Variants in MEOX2 observed in about 807,000 individuals in gnomAD.
The protein encoded by MEOX2 is mesenchyme homeobox 2, also known as homeobox protein MOX-2.
MEOX2 carries 11 observed loss-of-function variants against 27.0 expected under a neutral mutation model. That is an observed-to-expected ratio of 0.41 (90% CI 0.26 to 0.68). MEOX2 has a LOEUF of 0.68. MEOX2 is among the 30% of genes least tolerant of loss of function. The pLI, the probability that MEOX2 is intolerant of heterozygous loss-of-function variation, is 0.33. For synonymous variants in MEOX2, 189 were observed against 155.4 expected (o/e 1.22, Z -1.61); for missense variants, 436 against 385.4 (o/e 1.13, Z -1.10).
chr7:15,621,893 T>G (rs1366902477), intron 2 of MEOX2, among the ~76,000 whole-genome samples: 1 of 152,096 alleles, frequency 6.6e-6, no homozygotes, highest in African/African-American at 2.4e-5. Context: ...CCGAGGCTGG[T>G]GGATCACGAG....
At chr7:15,663,335 CT>C (rs765508723) in intron 1 of MEOX2, among the ~76,000 whole-genome samples, 1,677 of 142,886 alleles carry the variant, frequency 0.012, 22 homozygotes, top group African/African-American at 0.03. Flanking sequence ...CTGTAGTAAT[CT>C]TTTTTTTTTT....
At chr7:15,672,827 G>T (rs1036646711) in intron 1 of MEOX2, among the ~76,000 whole-genome samples, 2 of 151,866 alleles carry the variant, frequency 1.3e-5, no homozygotes, top group African/African-American at 2.4e-5. Context: ...GGGAGGCAGA[G>T]GTTGCAGTGA....
Position 15,624,202 on chromosome 7 carries a change from C to T in MEOX2, c.690+2544G>A, listed in dbSNP as rs1435676639. ...TTCTTTTTGACTAACCCAGGGAGGC[C>T]CTCTAAAGCCTTAGTTTTGATTAGG... is the stretch of plus-strand genomic sequence containing the variant. On this transcript the variant is annotated intron_variant, in intron 2 of 2. Transcript: ENST00000262041. Among the ~76,000 whole-genome samples, 10 of 152,212 alleles carry T rather than the reference C, an allele frequency of 6.6e-5. 1 individual carries two copies. The South Asian group carries it at 1.2e-3, about 19-fold the overall frequency.
rs528661327 is a variant in MEOX2, at chr7:15,621,945, C to T, written c.690+4801G>A. Among the ~76,000 whole-genome samples the T allele has an allele frequency of 1.9e-4, 29 of 152,146 alleles. 1 individual carries two copies. The South Asian group carries it at 5.8e-3, about 30-fold the overall frequency. The stretch of plus-strand genomic sequence containing the variant: ...CAGCCTGGCCAAGATGGTGAAACCC[C>T]GTCCCTACTAAAAATACAAAAAATT... On this transcript the variant is annotated intron_variant, in intron 2 of 2. Transcript: ENST00000262041.
intron 2 of MEOX2, among the ~76,000 whole-genome samples, chr7:15,621,595 C>A (rs1205494796): frequency 6.6e-6 from 1 of 152,042 alleles, no homozygotes; most frequent in East Asian, 1.9e-4. Context: ...TAAAAGGAAA[C>A]CTAATTATTA....
At chr7:15,670,724 T>C (rs1782081593) in intron 1 of MEOX2, among the ~76,000 whole-genome samples, 1 of 152,216 alleles carries the variant, frequency 6.6e-6, no homozygotes, top group African/African-American at 2.4e-5. Context: ...TAATTGATGC[T>C]GAGCATATAT....
chr7:15,657,258 T>C (rs1781837310), intron 1 of MEOX2, among the ~76,000 whole-genome samples: 1 of 152,190 alleles, frequency 6.6e-6, no homozygotes, highest in Non-Finnish European at 1.5e-5. Flanking sequence ...ATTTCAGCCA[T>C]TATTTCAACA....
At chr7:15,673,767 A>C (rs1374295407) in intron 1 of MEOX2, among the ~76,000 whole-genome samples, 1 of 152,156 alleles carries the variant, frequency 6.6e-6, no homozygotes, top group Non-Finnish European at 1.5e-5. Flanking sequence ...ATAGTAAGGC[A>C]TAACATGTCA....
intron 1 of MEOX2, among the ~76,000 whole-genome samples, chr7:15,676,578 A>G (rs1022535299): frequency 7.9e-5 from 12 of 152,088 alleles, no homozygotes; most frequent in African/African-American, 2.9e-4. Flanking sequence ...CCTTTTAAAA[A>G]GTTAAGTTCT....
chr7:15,649,717 T>A (rs765610073), intron 1 of MEOX2, among the ~76,000 whole-genome samples: 2 of 152,062 alleles, frequency 1.3e-5, no homozygotes, highest in African/African-American at 2.4e-5. Context: ...GGGACGAAGT[T>A]GAACATTTTT....
intron 2 of MEOX2, among the ~76,000 whole-genome samples, chr7:15,624,051 C>T (rs1781259661): frequency 1.3e-5 from 2 of 152,196 alleles, no homozygotes; most frequent in African/African-American, 2.4e-5. Flanking sequence ...TACAAATCTA[C>T]ATAGAAGAAA....
intron 1 of MEOX2, among the ~76,000 whole-genome samples, chr7:15,667,029 C>A (rs1242019608): frequency 2.0e-5 from 3 of 149,688 alleles, no homozygotes; most frequent in Non-Finnish European, 4.5e-5. Context: ...CAGTGGCTCA[C>A]ACCTGTAATC....
chr7:15,658,890 G>C (rs2115382110), intron 1 of MEOX2, among the ~76,000 whole-genome samples: 1 of 152,332 alleles, frequency 6.6e-6, no homozygotes, highest in South Asian at 2.1e-4. Flanking sequence ...CAACCAGTCT[G>C]TAATGTTTTG....
At chr7:15,657,900 G>A (rs186409217) in intron 1 of MEOX2, among the ~76,000 whole-genome samples, 1 of 152,286 alleles carries the variant, frequency 6.6e-6, no homozygotes, top group East Asian at 1.9e-4. Context: ...GGCAAGGCAG[G>A]TGGAGCAGGC....
intron 1 of MEOX2, among the ~76,000 whole-genome samples, chr7:15,666,596 C>T (rs886583262): frequency 6.6e-6 from 1 of 150,744 alleles, no homozygotes; most frequent in Non-Finnish European, 1.5e-5. Flanking sequence ...TACTAAAATA[C>T]AAAAAATTAG....
intron 1 of MEOX2, among the ~76,000 whole-genome samples, chr7:15,673,094 AAGC>A (rs1268633638): frequency 1.3e-5 from 2 of 152,140 alleles, no homozygotes; most frequent in Non-Finnish European, 2.9e-5. Flanking sequence ...ATTATAAGGG[AAGC>A]ATTTCCTATG....
intron 1 of MEOX2, among the ~76,000 whole-genome samples, chr7:15,663,190 TATC>T (rs909085462): frequency 6.6e-6 from 1 of 152,186 alleles, no homozygotes; most frequent in Non-Finnish European, 1.5e-5. Context: ...ATTTTAAAAA[TATC>T]AGAGATTTCT....
chr7:15,673,160 C>A (rs1782130832), intron 1 of MEOX2, among the ~76,000 whole-genome samples: 1 of 152,148 alleles, frequency 6.6e-6, no homozygotes, highest in South Asian at 2.1e-4. Context: ...CTGGAAAACA[C>A]ACTAAAAGAA....
At chr7:15,669,621 C>T (rs1056525895) in intron 1 of MEOX2, among the ~76,000 whole-genome samples, 1 of 152,180 alleles carries the variant, frequency 6.6e-6, no homozygotes, top group Admixed American at 6.5e-5. Flanking sequence ...AGCTGAATTG[C>T]GTAATGTATG....
Sources: allele counts gnomAD v4.1 joint callset (sites outside exome capture counted in the v4.1 genomes callset), GRCh38; gene constraint gnomAD v4.1.1; transcripts MANE v1.5; gene names NCBI Gene and HGNC (gene_info 2026-07-23, HGNC 2026-07-21).